Variants in C12orf54 observed in about 807,000 individuals in gnomAD.
C12orf54 encodes the protein chromosome 12 open reading frame 54.
C12orf54 carries 24 observed loss-of-function variants against 26.4 expected under a neutral mutation model. The ratio of observed to expected loss-of-function variants is 0.91; its 90% CI spans 0.66 to 1.28. C12orf54 has a LOEUF of 1.28. Ranked by LOEUF, C12orf54 falls within the 50% of genes most tolerant of loss-of-function variation. C12orf54 has a pLI of 0.00. For synonymous variants in C12orf54, 54 were observed against 47.0 expected (o/e 1.15, Z -0.61); for missense variants, 154 against 150.9 (o/e 1.02, Z -0.11).
the C12orf54 span, among the ~76,000 whole-genome samples, chr12:48,455,130 T>C: frequency 6.6e-6 from 1 of 152,134 alleles, no homozygotes; most frequent in Non-Finnish European, 1.5e-5. Context: ...CCAGTGTCTA[T>C]TGTTCTCCTC....
the C12orf54 span, among the ~76,000 whole-genome samples, chr12:48,436,226 G>A: frequency 3.3e-5 from 5 of 152,240 alleles, no homozygotes; most frequent in Non-Finnish European, 2.9e-5. Flanking sequence ...AAATATATAT[G>A]CACCCAATAC....
the C12orf54 span, among the ~76,000 whole-genome samples, chr12:48,474,608 C>G: frequency 7.9e-5 from 12 of 152,238 alleles, no homozygotes; most frequent in Admixed American, 1.3e-4. Context: ...ACACATGGCT[C>G]GGAGGGTCCT....
the C12orf54 span, among the ~76,000 whole-genome samples, chr12:48,440,266 G>A: frequency 3.3e-5 from 5 of 152,158 alleles, no homozygotes; most frequent in East Asian, 9.6e-4. Context: ...TAGTAAAGAT[G>A]GCAGAAAAAT....
the C12orf54 span, among the ~76,000 whole-genome samples, chr12:48,461,556 T>C: frequency 6.6e-6 from 1 of 151,816 alleles, no homozygotes; most frequent in Admixed American, 6.6e-5. Context: ...TATTAAGCAA[T>C]TAAATTATAA....
the C12orf54 span, among the ~76,000 whole-genome samples, chr12:48,414,634 T>C: frequency 0.81 from 123,126 of 152,068 alleles, 50,014 homozygotes; most frequent in East Asian, 0.88. Context: ...GGTATCCATG[T>C]GCCAGGCTGG....
At chr12:48,464,007 C>T in the C12orf54 span, among the ~76,000 whole-genome samples, 1 of 151,960 alleles carries the variant, frequency 6.6e-6, no homozygotes, top group Non-Finnish European at 1.5e-5. Flanking sequence ...GAAGCATTCC[C>T]CTTGAAAACA....
At chr12:48,469,929 G>T in the C12orf54 span, among the ~76,000 whole-genome samples, 4 of 152,112 alleles carry the variant, frequency 2.6e-5, no homozygotes, top group African/African-American at 7.2e-5. Flanking sequence ...ACTCCCACAG[G>T]TGAGAACATG....
chr12:48,483,110 A>C, intron 1 of C12orf54, 130 bp from the exon 2 acceptor site: 1 of 589,178 alleles, frequency 1.7e-6, no homozygotes, highest in South Asian at 2.0e-5. Context: ...GCAAGCACAC[A>C]CATGCACATG....
the C12orf54 span, among the ~76,000 whole-genome samples, chr12:48,436,603 A>G: frequency 6.6e-6 from 1 of 152,172 alleles, no homozygotes; most frequent in Non-Finnish European, 1.5e-5. Context: ...TAAGAAACTC[A>G]CTCAAAACCG....
At chr12:48,450,824 G>A in the C12orf54 span, among the ~76,000 whole-genome samples, 1 of 152,006 alleles carries the variant, frequency 6.6e-6, no homozygotes, top group African/African-American at 2.4e-5. Flanking sequence ...CTGAAATTGA[G>A]GCAGTAATAA....
At chr12:48,433,296 A>C in the C12orf54 span, among the ~76,000 whole-genome samples, 1 of 152,144 alleles carries the variant, frequency 6.6e-6, no homozygotes, top group Non-Finnish European at 1.5e-5. Flanking sequence ...GGAAGGAAAG[A>C]CTGACCTTTG....
the C12orf54 span, among the ~76,000 whole-genome samples, chr12:48,458,746 T>TA: frequency 6.7e-6 from 1 of 150,106 alleles, no homozygotes; most frequent in Admixed American, 6.7e-5. Context: ...TTTTTTTTTT[T>TA]AAACCAAACC....
At chr12:48,472,739 C>T in the C12orf54 span, 2 of 1,614,002 alleles carry the variant, frequency 1.2e-6, no homozygotes, top group African/African-American at 1.3e-5. Context: ...TTTTCCTGGA[C>T]AACAGTCAGT....
the C12orf54 span, among the ~76,000 whole-genome samples, chr12:48,439,567 C>T: frequency 1.3e-5 from 2 of 152,108 alleles, no homozygotes; most frequent in African/African-American, 4.8e-5. Context: ...ACTGTGCAGC[C>T]ATAAAAAGGA....
At chr12:48,486,940 C>T (rs2705124) in intron 4 of C12orf54, among the ~76,000 whole-genome samples, 29,234 of 152,112 alleles carry the variant, frequency 0.19, 3,088 homozygotes, top group South Asian at 0.3. Context: ...CTTCCTGGCA[C>T]CCACTTGTTT....
Position 48,486,484 on chromosome 12 carries a change from A to G in C12orf54, c.97-204A>G, listed in dbSNP as rs980572487. On this transcript the variant is annotated intron_variant, in intron 3 of 8. Transcript: ENST00000548364. Reference sequence around the variant, plus strand: ...TGTTTGTACCTGTCATGCACCAGCTAGATCCAGAGCGAAGCAGGATATATG... The same window carrying G: ...TGTTTGTACCTGTCATGCACCAGCTGGATCCAGAGCGAAGCAGGATATATG... 11 of 637,266 alleles carry G rather than the reference A, an allele frequency of 1.7e-5. No individual in the cohort carries two copies. The African/African-American group carries it at 2.0e-4, about 12-fold the overall frequency. The allele number at this position is 637,266 out of a possible 1,614,324, so 39.5% of individuals were successfully genotyped here.
chr12:48,446,199 C>A, the C12orf54 span, among the ~76,000 whole-genome samples: 1 of 152,124 alleles, frequency 6.6e-6, no homozygotes, highest in Non-Finnish European at 1.5e-5. Flanking sequence ...ATCTTGTGAG[C>A]TGACATTGTT....
chr12:48,433,648 C>T, the C12orf54 span, among the ~76,000 whole-genome samples: 1 of 152,134 alleles, frequency 6.6e-6, no homozygotes, highest in Non-Finnish European at 1.5e-5. Flanking sequence ...GGGGTTTCAC[C>T]ATGTTAGCCA....
the C12orf54 span, among the ~76,000 whole-genome samples, chr12:48,457,447 C>T: frequency 1.3e-5 from 2 of 152,024 alleles, no homozygotes; most frequent in Non-Finnish European, 2.9e-5. Flanking sequence ...GATGCTCCTG[C>T]CTCAACCTCC....
Sources: allele counts gnomAD v4.1 joint callset (sites outside exome capture counted in the v4.1 genomes callset), GRCh38; gene constraint gnomAD v4.1.1; transcripts MANE v1.5; gene names NCBI Gene and HGNC (gene_info 2026-07-23, HGNC 2026-07-21).